The following PAX5 variants were observed in gnomAD, a reference collection of about 807,000 sequenced individuals.
PAX5 encodes paired box protein Pax-5.
A neutral mutation model predicts 43.7 loss-of-function variants in PAX5; 9 were observed. The observed-to-expected ratio is 0.21, with a 90% CI of 0.12 to 0.36. The LOEUF is 0.36. PAX5 is among the 10% of genes least tolerant of loss of function. The pLI is 1.00. For missense variants in PAX5, 383 were observed against 532.7 expected (o/e 0.72, Z 2.77); for synonymous variants, 228 against 214.3 (o/e 1.06, Z -0.56).
intron 7 of PAX5, 104 bp downstream of exon 7, chr9:36,923,250 AT>A: frequency 7.0e-7 from 1 of 1,428,904 alleles, no homozygotes; most frequent in Non-Finnish European, 9.4e-7. Flanking sequence ...TTAAAACAAA[AT>A]TGGCCAATCA....
intron 1 of PAX5, among the ~76,000 whole-genome samples, chr9:37,022,839 A>G (rs1839970063): frequency 6.6e-6 from 1 of 152,182 alleles, no homozygotes; most frequent in African/African-American, 2.4e-5. Context: ...ATAGGTCCAC[A>G]GCTGACAACA....
chr9:36,851,488 A>T (rs550331415), intron 8 of PAX5, among the ~76,000 whole-genome samples: 2 of 152,334 alleles, frequency 1.3e-5, no homozygotes, highest in East Asian at 3.9e-4. Context: ...GAGATGAAAG[A>T]AAGTGGCTGA....
At chr9:36,964,593 AC>A (rs373303891) in intron 6 of PAX5, among the ~76,000 whole-genome samples, 4,527 of 121,296 alleles carry the variant, frequency 0.037, 86 homozygotes, top group South Asian at 0.051. Flanking sequence ...ACTCCAGCTC[AC>A]AAAAAAAAAA....
At chr9:36,895,165 A>G (rs1827740466) in intron 7 of PAX5, among the ~76,000 whole-genome samples, 1 of 152,244 alleles carries the variant, frequency 6.6e-6, no homozygotes. Flanking sequence ...CATGTGGTCT[A>G]AATGCGGAAG....
chr9:36,860,335 A>C (rs781360357), intron 8 of PAX5, among the ~76,000 whole-genome samples: 11 of 152,128 alleles, frequency 7.2e-5, no homozygotes, highest in Admixed American at 3.3e-4. Context: ...AGACTGTCTC[A>C]AAAAAGAAAA....
At chr9:36,944,936 G>A (rs1832368435) in intron 6 of PAX5, among the ~76,000 whole-genome samples, 1 of 152,202 alleles carries the variant, frequency 6.6e-6, no homozygotes. Flanking sequence ...GCTGGAAGTG[G>A]TACTGACACC....
At position 36,957,626 on chromosome 9, in the gene PAX5, A is replaced by C. The variant is rs563095241; in HGVS notation, c.780+8923T>G. 1.9e-4 allele frequency among the ~76,000 whole-genome samples: 29 copies of C among 152,326 alleles called. 1 individual carries two copies. The South Asian group carries it at 5.8e-3, about 31-fold the overall frequency. On this transcript the variant is annotated intron_variant, in intron 6 of 9. Coordinates refer to ENST00000358127, the MANE Select transcript of PAX5 (RefSeq NM_016734.3). ...ACCAGGGGACATGTGGGGAAGCTAA[A>C]GCCTGTAGGTCAGTTGCCTCCAGCC...
chr9:36,883,603 G>A (rs1490777303), intron 7 of PAX5, among the ~76,000 whole-genome samples: 3 of 152,140 alleles, frequency 2.0e-5, no homozygotes, highest in Non-Finnish European at 4.4e-5. Flanking sequence ...CCTAAGTGGT[G>A]TAGGTTGCAG....
At chr9:37,005,887 G>A (rs1838343203) in intron 4 of PAX5, among the ~76,000 whole-genome samples, 1 of 152,180 alleles carries the variant, frequency 6.6e-6, no homozygotes, top group Non-Finnish European at 1.5e-5. Context: ...TGAGCACTAG[G>A]AAGTATGACT....
intron 1 of PAX5, among the ~76,000 whole-genome samples, chr9:37,025,423 G>C (rs932264658): frequency 3.2e-4 from 48 of 152,066 alleles, no homozygotes; most frequent in African/African-American, 9.6e-4. Flanking sequence ...CTGTTGGGAT[G>C]GGGGGGAGCG....
chr9:36,954,788 T>C (rs1833314322), intron 6 of PAX5, among the ~76,000 whole-genome samples: 1 of 152,216 alleles, frequency 6.6e-6, no homozygotes, highest in Non-Finnish European at 1.5e-5. Flanking sequence ...AGCTATTATT[T>C]CTTCAAATAT....
chr9:37,019,266 G>A (rs1839658079), intron 2 of PAX5, among the ~76,000 whole-genome samples: 1 of 149,100 alleles, frequency 6.7e-6, no homozygotes, highest in Non-Finnish European at 1.5e-5. Context: ...TTCTTCTCTC[G>A]CTCCCATCCG....
chr9:36,897,999 C>CT (rs779470889), intron 7 of PAX5, among the ~76,000 whole-genome samples: 1 of 152,174 alleles, frequency 6.6e-6, no homozygotes, highest in Non-Finnish European at 1.5e-5. Context: ...TCCTTCTGTG[C>CT]TACCAGCAAA....
intron 5 of PAX5, among the ~76,000 whole-genome samples, chr9:36,985,815 T>G (rs1417904303): frequency 2.0e-5 from 3 of 152,176 alleles, no homozygotes; most frequent in Non-Finnish European, 4.4e-5. Flanking sequence ...CCTTTGTGTT[T>G]GTGCCTTTTT....
chr9:36,899,815 C>T (rs980826123), intron 7 of PAX5, among the ~76,000 whole-genome samples: 2 of 152,212 alleles, frequency 1.3e-5, no homozygotes, highest in South Asian at 2.1e-4. Flanking sequence ...CTCACTATGG[C>T]TTTCCTGGAG....
At chr9:36,966,428 C>A in intron 6 of PAX5, 121 bp downstream of exon 6, 1 of 1,047,344 alleles carries the variant, frequency 9.5e-7, no homozygotes, top group Non-Finnish European at 1.4e-6. Context: ...ACTGAAGAGA[C>A]CTCTCTGAGC....
At chr9:37,009,139 C>T (rs1282945384) in intron 3 of PAX5, among the ~76,000 whole-genome samples, 1 of 152,170 alleles carries the variant, frequency 6.6e-6, no homozygotes, top group Non-Finnish European at 1.5e-5. Flanking sequence ...ATTATGTTTT[C>T]CTCATTTTCT....
At chr9:36,874,020 T>G (rs1173809408) in intron 8 of PAX5, among the ~76,000 whole-genome samples, 1 of 152,176 alleles carries the variant, frequency 6.6e-6, no homozygotes, top group Non-Finnish European at 1.5e-5. Context: ...CCCCTAAGCC[T>G]GCATGCTTTG....
At chr9:36,892,395 A>T (rs541051799) in intron 7 of PAX5, among the ~76,000 whole-genome samples, 1 of 152,364 alleles carries the variant, frequency 6.6e-6, no homozygotes, top group Admixed American at 6.5e-5. Flanking sequence ...TATCCTTTAC[A>T]CAGCTCTTAG....
Sources: gnomAD v4.1 joint callset for allele counts (sites outside exome capture counted in the v4.1 genomes callset) on GRCh38, gnomAD v4.1.1 for gene constraint, MANE v1.5 for transcripts, NCBI Gene and HGNC (gene_info 2026-07-23, HGNC 2026-07-21) for gene names.